Variants in SDK1 observed in about 807,000 individuals in gnomAD.
The protein encoded by SDK1 is sidekick cell adhesion molecule 1.
A neutral mutation model predicts 245.5 loss-of-function variants in SDK1; 157 were observed. The observed-to-expected ratio is 0.64, with a 90% confidence interval of 0.56 to 0.73. The LOEUF is 0.73. SDK1 is among the 30% of genes least tolerant of loss of function. The probability of loss-of-function intolerance (pLI) is 0.00; values close to 1 mark genes in which losing one functional copy is unlikely to be tolerated. For synonymous variants in SDK1, 1,647 were observed against 1,278.5 expected (o/e 1.29, Z -6.15); for missense variants, 3,583 against 3,002.3 (o/e 1.19, Z -4.52).
chr7:3,782,699 A>C (rs1248151634), intron 4 of SDK1, among the ~76,000 whole-genome samples: 1 of 152,234 alleles, frequency 6.6e-6, no homozygotes, highest in Non-Finnish European at 1.5e-5. Flanking sequence ...TTTTACAATA[A>C]AGTGTTGAAT....
chr7:3,931,397 A>G (rs1043695033), intron 5 of SDK1, among the ~76,000 whole-genome samples: 7 of 152,158 alleles, frequency 4.6e-5, no homozygotes, highest in African/African-American at 1.7e-4. Flanking sequence ...TCAATTTCTT[A>G]TTTGTGTCAT....
intron 17 of SDK1, among the ~76,000 whole-genome samples, chr7:4,021,990 G>C (rs1270082172): frequency 2.6e-5 from 4 of 152,168 alleles, no homozygotes. Flanking sequence ...CCAGCTCCAT[G>C]GGGCTGTTTG....
intron 35 of SDK1, among the ~76,000 whole-genome samples, chr7:4,190,296 A>G (rs1210023325): frequency 6.6e-6 from 1 of 152,058 alleles, no homozygotes; most frequent in Non-Finnish European, 1.5e-5. Flanking sequence ...AGTCTCTCCA[A>G]CTGATGCCGG....
chr7:3,398,575 TTTTC>T (rs1778794849), intron 1 of SDK1, among the ~76,000 whole-genome samples: 1 of 152,064 alleles, frequency 6.6e-6, no homozygotes, highest in South Asian at 2.1e-4. Context: ...TTCAAAATAC[TTTTC>T]CCCAGATGCA....
At chr7:4,048,130 C>T (rs1331296935) in intron 17 of SDK1, among the ~76,000 whole-genome samples, 2 of 152,104 alleles carry the variant, frequency 1.3e-5, no homozygotes, top group Non-Finnish European at 2.9e-5. Context: ...AAGAGTGTAG[C>T]GATTTTCACC....
At chr7:3,641,508 C>G (rs890763676) in intron 3 of SDK1, among the ~76,000 whole-genome samples, 2 of 152,082 alleles carry the variant, frequency 1.3e-5, no homozygotes, top group Non-Finnish European at 2.9e-5. Flanking sequence ...AGACAGTGAC[C>G]TCACAAATGA....
intron 4 of SDK1, among the ~76,000 whole-genome samples, chr7:3,799,636 C>CG (rs1779056696): frequency 7.3e-6 from 1 of 137,258 alleles, no homozygotes; most frequent in Admixed American, 8.3e-5. Context: ...ACCTGGGAGG[C>CG]GGGGTTTGCA....
At chr7:3,370,722 A>G (rs766055774) in intron 1 of SDK1, among the ~76,000 whole-genome samples, 8 of 152,336 alleles carry the variant, frequency 5.3e-5, no homozygotes, top group African/African-American at 7.2e-5. Context: ...CACATGTTCT[A>G]TTCTCTGAAC....
rs929806467 is a variant in SDK1, at chr7:4,267,917, G to A, written c.*2533G>A. ...ACCACCTGTGCAAAGGAACAGAGCT[G>A]GATGTTTCCAGGTAGATTTTGGCCT... On this transcript the variant is annotated 3_prime_UTR_variant, in exon 45 of 45. Coordinates refer to ENST00000404826, the MANE Select transcript of SDK1 (RefSeq NM_152744.4). 7.1e-6 allele frequency: 7 copies of A among 985,378 alleles called. No homozygotes were observed. The highest frequency in any genetic ancestry group is 3.5e-5 in the African/African-American group (2 of 57,240). The allele number at this position is 985,378 out of a possible 1,614,324, so 61.0% of individuals were successfully genotyped here. A position where few individuals can be genotyped will look rare whatever the true frequency, so the allele number is the denominator to read the frequency against.
intron 2 of SDK1, among the ~76,000 whole-genome samples, chr7:3,620,885 C>A (rs1178958469): frequency 7.7e-6 from 1 of 130,694 alleles, no homozygotes; most frequent in African/African-American, 2.9e-5. Flanking sequence ...ATTGGGCCTA[C>A]CCTGTTGGAG....
chr7:3,509,096 G>GTGTGTA (rs1554281973), intron 1 of SDK1, among the ~76,000 whole-genome samples: 1 of 151,916 alleles, frequency 6.6e-6, no homozygotes, highest in Non-Finnish European at 1.5e-5. Context: ...GTGTGTGTGT[G>GTGTGTA]TGTATGTATG....
chr7:3,511,546 C>T (rs542231744), intron 1 of SDK1, among the ~76,000 whole-genome samples: 2 of 152,176 alleles, frequency 1.3e-5, no homozygotes, highest in Non-Finnish European at 2.9e-5. Flanking sequence ...TGTTAAATGG[C>T]TTGTCAAAAT....
intron 1 of SDK1, among the ~76,000 whole-genome samples, chr7:3,321,060 C>A (rs1779790171): frequency 6.6e-6 from 1 of 152,144 alleles, no homozygotes; most frequent in Non-Finnish European, 1.5e-5. Flanking sequence ...ATGTGGATGT[C>A]TTGCAATCCT....
chr7:3,924,905 G>A (rs539792238), intron 5 of SDK1, among the ~76,000 whole-genome samples: 20 of 152,148 alleles, frequency 1.3e-4, no homozygotes, highest in African/African-American at 4.8e-4. Flanking sequence ...TCAAGCCTGG[G>A]GTCTGCCTTC....
intron 19 of SDK1, among the ~76,000 whole-genome samples, chr7:4,053,918 G>C (rs1231744629): frequency 6.6e-6 from 1 of 151,834 alleles, no homozygotes; most frequent in Non-Finnish European, 1.5e-5. Context: ...TGTTGTTGTT[G>C]GTGGTGGTGG....
chr7:3,364,537 A>AT (rs559048524), intron 1 of SDK1, among the ~76,000 whole-genome samples: 66 of 152,166 alleles, frequency 4.3e-4, no homozygotes, highest in African/African-American at 1.5e-3. Flanking sequence ...TGAAAAGCCT[A>AT]TTTTTTCTCC....
chr7:4,001,449 T>A (rs79418772), intron 14 of SDK1, among the ~76,000 whole-genome samples: 5,482 of 152,312 alleles, frequency 0.036, 137 homozygotes, highest in Non-Finnish European at 0.053. Context: ...GTGGGCCACC[T>A]TTGGTGTCTT....
chr7:3,542,639 G>T (rs1164425351), intron 1 of SDK1, among the ~76,000 whole-genome samples: 2 of 152,162 alleles, frequency 1.3e-5, no homozygotes, highest in East Asian at 3.8e-4. Context: ...GTTTTAAAAT[G>T]TTAAAAATAT....
chr7:3,856,629 A>G (rs953447503), intron 5 of SDK1, among the ~76,000 whole-genome samples: 12 of 151,988 alleles, frequency 7.9e-5, no homozygotes. Context: ...CATGTCTCCT[A>G]AAAGTACAAA....
Sources: gnomAD v4.1 joint callset for allele counts (sites outside exome capture counted in the v4.1 genomes callset) on GRCh38, gnomAD v4.1.1 for gene constraint, MANE v1.5 for transcripts, NCBI Gene and HGNC (gene_info 2026-07-23, HGNC 2026-07-21) for gene names.